Variants in NRG1 observed in about 807,000 individuals in gnomAD.
NRG1 encodes pro-neuregulin-1, membrane-bound isoform.
NRG1 carries 18 observed loss-of-function variants against 63.8 expected under a neutral mutation model. The observed-to-expected ratio is 0.28, with a 90% CI of 0.19 to 0.42. The LOEUF (loss-of-function observed/expected upper bound fraction) is 0.42, where lower values mean the gene tolerates loss of function less well. Among genes scored for constraint, NRG1 ranks in the 10% least tolerant of loss-of-function variants. NRG1 has a pLI of 1.00. For synonymous variants in NRG1, 302 were observed against 301.3 expected (o/e 1.00, Z -0.02); for missense variants, 762 against 814.7 (o/e 0.94, Z 0.79).
At chr8:32,434,012 C>G (rs1220962461) in intron 1 of NRG1, among the ~76,000 whole-genome samples, 1 of 151,772 alleles carries the variant, frequency 6.6e-6, no homozygotes, top group Admixed American at 6.6e-5. Context: ...ATGGTGAAAC[C>G]CCATCTCTAC....
At chr8:32,032,529 G>T (rs574348233) in intron 1 of NRG1, among the ~76,000 whole-genome samples, 97 of 152,266 alleles carry the variant, frequency 6.4e-4, no homozygotes, top group African/African-American at 2.2e-3. Flanking sequence ...GCCTCCCAAA[G>T]TGCTGGGGTT....
chr8:32,163,255 C>G (rs1338079229), intron 1 of NRG1, among the ~76,000 whole-genome samples: 1 of 152,170 alleles, frequency 6.6e-6, no homozygotes, highest in Non-Finnish European at 1.5e-5. Flanking sequence ...CACCCTTCCT[C>G]AAGCCTCCTT....
At chr8:31,686,448 A>G (rs1037693085) in intron 1 of NRG1, among the ~76,000 whole-genome samples, 2 of 152,160 alleles carry the variant, frequency 1.3e-5, no homozygotes, top group East Asian at 3.9e-4. Context: ...AATAAATTAT[A>G]TGTTGTTAAG....
intron 1 of NRG1, among the ~76,000 whole-genome samples, chr8:31,930,424 T>G (rs1834764756): frequency 6.6e-6 from 1 of 152,190 alleles, no homozygotes; most frequent in Non-Finnish European, 1.5e-5. Flanking sequence ...GAATTCCATG[T>G]GTGATACAAT....
At chr8:31,803,609 C>T (rs1822000118) in intron 1 of NRG1, among the ~76,000 whole-genome samples, 1 of 152,232 alleles carries the variant, frequency 6.6e-6, no homozygotes, top group South Asian at 2.1e-4. Flanking sequence ...TAGAGCTGAT[C>T]TGTTTGCTTC....
chr8:31,813,516 C>CTTTTCTTTTCTTTTTTTTTTTTTTTTT, intron 1 of NRG1, among the ~76,000 whole-genome samples: 1 of 101,214 alleles, frequency 9.9e-6, no homozygotes, highest in African/African-American at 3.7e-5. Context: ...CTTTTCTTTT[C>CTTTTCTTTTCTTTTTTTTTTTTTTTTT]TTTTTTTTTT....
At chr8:31,917,989 A>G (rs545923825) in intron 1 of NRG1, among the ~76,000 whole-genome samples, 17 of 152,304 alleles carry the variant, frequency 1.1e-4, no homozygotes, top group African/African-American at 3.8e-4. Flanking sequence ...GAGTTCACTC[A>G]TGATTTGGCT....
intron 1 of NRG1, among the ~76,000 whole-genome samples, chr8:32,022,666 G>A (rs1026705393): frequency 3.3e-5 from 5 of 151,978 alleles, no homozygotes; most frequent in African/African-American, 7.3e-5. Context: ...TTTATATGAC[G>A]TATACAATCA....
intron 1 of NRG1, among the ~76,000 whole-genome samples, chr8:32,400,896 GC>G (rs1396568312): frequency 6.6e-6 from 1 of 152,292 alleles, no homozygotes; most frequent in Admixed American, 6.5e-5. Flanking sequence ...CAGCCTAAAT[GC>G]CCATCAACAG....
In NRG1 at chr8:32,497,099, T is replaced by G. The variant is rs566013902; in HGVS notation, c.38-98729T>G. ...ATATACTAATAATTTTTAACTCTTT[T>G]GTTGGGGTTAAATGAGATAAAATTG... On this transcript the variant is annotated intron_variant, in intron 1 of 10. Transcript: ENST00000519301. 2.0e-5 allele frequency among the ~76,000 whole-genome samples: 3 copies of G among 152,284 alleles called. No homozygotes were observed. In the South Asian group the frequency reaches 6.2e-4, roughly 32 times the overall value.
intron 1 of NRG1, among the ~76,000 whole-genome samples, chr8:32,232,546 G>A (rs185207000): frequency 2.3e-3 from 354 of 152,240 alleles, no homozygotes; most frequent in Non-Finnish European, 3.9e-3. Context: ...TCTTCACAGG[G>A]AAAGAAACCT....
intron 5 of NRG1, among the ~76,000 whole-genome samples, chr8:32,632,307 CT>C (rs1185525230): frequency 1.3e-5 from 2 of 152,102 alleles, no homozygotes; most frequent in East Asian, 3.9e-4. Flanking sequence ...AATCCCAGCA[CT>C]TTGGGAGGCC....
chr8:32,726,459 A>T (rs1379854835), intron 5 of NRG1, among the ~76,000 whole-genome samples: 1 of 152,122 alleles, frequency 6.6e-6, no homozygotes, highest in East Asian at 1.9e-4. Flanking sequence ...AGCCAGTAGG[A>T]GACAAGACTT....
At chr8:31,871,600 T>A (rs1829491775) in intron 1 of NRG1, among the ~76,000 whole-genome samples, 1 of 152,012 alleles carries the variant, frequency 6.6e-6, no homozygotes, top group Admixed American at 6.6e-5. Flanking sequence ...TTTCAAATCC[T>A]GGGACTTTCA....
rs193000061 is a variant in NRG1 at position 31,816,743 on chromosome 8, G to C, written c.37+177312G>C. Among the ~76,000 whole-genome samples the C allele has an allele frequency of 2.9e-3, 443 of 152,204 alleles. 3 individuals are homozygous for C. Among genetic ancestry groups the C allele is most frequent in the Non-Finnish European group, 4.5e-3 (305 of 68,014 alleles). On this transcript the variant is annotated intron_variant, in intron 1 of 10. Coordinates refer to the NRG1 transcript ENST00000519301. ...GCTTCTGGCTCCACTTTATCTCTGA[G>C]GCTTGTACTATTCTACTGGGATATC...
chr8:31,681,976 T>A (rs992433975), intron 1 of NRG1, among the ~76,000 whole-genome samples: 1 of 152,064 alleles, frequency 6.6e-6, no homozygotes, highest in East Asian at 1.9e-4. Flanking sequence ...AAGTCCATAG[T>A]TTACATTAGG....
chr8:32,548,224 G>C (rs1337846471), upstream of NRG1: 13 of 985,100 alleles, frequency 1.3e-5, no homozygotes, highest in Non-Finnish European at 1.6e-5. Context: ...CCAGGGGAGG[G>C]TGCGAAGGAG....
At chr8:32,255,153 C>T (rs1472566552) in intron 1 of NRG1, among the ~76,000 whole-genome samples, 1 of 152,184 alleles carries the variant, frequency 6.6e-6, no homozygotes, top group African/African-American at 2.4e-5. Context: ...TCCAATCTGC[C>T]AGTCTGTGTC....
At chr8:32,632,311 GGGA>G (rs1383580116) in intron 5 of NRG1, among the ~76,000 whole-genome samples, 2 of 152,030 alleles carry the variant, frequency 1.3e-5, no homozygotes, top group East Asian at 3.9e-4. Context: ...CCAGCACTTT[GGGA>G]GGCCAAGGCG....
Sources: gnomAD v4.1 joint callset for allele counts (sites outside exome capture counted in the v4.1 genomes callset) on GRCh38, gnomAD v4.1.1 for gene constraint, MANE v1.5 for transcripts, NCBI Gene and HGNC (gene_info 2026-07-23, HGNC 2026-07-21) for gene names.